PLXNA4: variants seen among roughly 807,000 people sequenced by gnomAD.
PLXNA4 encodes the protein plexin A4, also known as plexin-A4.
A neutral mutation model predicts 191.8 loss-of-function variants in PLXNA4; 44 were observed. The observed-to-expected ratio is 0.23, with a 90% CI of 0.18 to 0.29. PLXNA4 has a LOEUF of 0.29. Among genes scored for constraint, PLXNA4 ranks in the 10% least tolerant of loss-of-function variants. The pLI, the probability that PLXNA4 is intolerant of heterozygous loss-of-function variation, is 1.00. For synonymous variants in PLXNA4, 1,082 were observed against 1,009.5 expected, an observed-to-expected ratio of 1.07 and a Z score of -1.36; for missense variants, 1,800 against 2,488.8, an observed-to-expected ratio of 0.72 and a Z score of 5.89.
At chr7:132,347,334 C>G (rs761544681) in intron 3 of PLXNA4, among the ~76,000 whole-genome samples, 3 of 152,180 alleles carry the variant, frequency 2.0e-5, no homozygotes, top group Non-Finnish European at 4.4e-5. Context: ...GACAACCACC[C>G]AGGCCAAGGC....
chr7:132,620,041 A>G (rs1387066656), intron 2 of PLXNA4, among the ~76,000 whole-genome samples: 1 of 152,190 alleles, frequency 6.6e-6, no homozygotes, highest in African/African-American at 2.4e-5. Context: ...TGACCTCATG[A>G]TCAGGCTGCC....
intron 5 of PLXNA4, among the ~76,000 whole-genome samples, chr7:132,229,106 C>G (rs1026195): frequency 0.67 from 101,180 of 152,048 alleles, 34,812 homozygotes; most frequent in African/African-American, 0.84. Context: ...AGGAGCTTTT[C>G]AAAAAAAGCA....
At chr7:132,386,316 C>G (rs1332029200) in intron 3 of PLXNA4, among the ~76,000 whole-genome samples, 1 of 152,214 alleles carries the variant, frequency 6.6e-6, no homozygotes, top group East Asian at 1.9e-4. Context: ...GTTTGCATCT[C>G]TGACCACTCC....
chr7:132,151,808 C>G (rs983855967), intron 25 of PLXNA4, among the ~76,000 whole-genome samples: 3 of 152,084 alleles, frequency 2.0e-5, no homozygotes, highest in East Asian at 3.9e-4. Context: ...CCCAGCTGAA[C>G]CCAGAATGGA....
chr7:132,359,233 T>TTA (rs1491071107), intron 3 of PLXNA4, among the ~76,000 whole-genome samples: 68 of 131,682 alleles, frequency 5.2e-4, no homozygotes, highest in African/African-American at 2.0e-3. Flanking sequence ...TTTTTTTTTT[T>TTA]ATTCCTGAGA....
intron 2 of PLXNA4, among the ~76,000 whole-genome samples, chr7:132,635,170 TTATATATATA>T (rs3037811): frequency 0.053 from 6,984 of 131,656 alleles, 409 homozygotes; most frequent in East Asian, 0.24. Context: ...AAACTCCCCT[TTATATATATA>T]TATATATATA....
chr7:132,219,774 G>A (rs1267533854), intron 9 of PLXNA4, among the ~76,000 whole-genome samples: 1 of 152,132 alleles, frequency 6.6e-6, no homozygotes, highest in Non-Finnish European at 1.5e-5. Flanking sequence ...AGTCTCATAA[G>A]ATTATAATAT....
chr7:132,350,877 A>C (rs1226370475), intron 3 of PLXNA4, among the ~76,000 whole-genome samples: 1 of 152,262 alleles, frequency 6.6e-6, no homozygotes, highest in Non-Finnish European at 1.5e-5. Context: ...CAAAAAAGGA[A>C]ACAATGCAAA....
intron 3 of PLXNA4, among the ~76,000 whole-genome samples, chr7:132,364,571 C>T (rs1480729872): frequency 1.3e-5 from 2 of 152,218 alleles, no homozygotes; most frequent in Admixed American, 6.5e-5. Flanking sequence ...TGAGAAGTCA[C>T]TGGACTTAAA....
intron 4 of PLXNA4, among the ~76,000 whole-genome samples, chr7:132,288,482 G>A (rs1800764943): frequency 6.6e-6 from 1 of 152,198 alleles, no homozygotes; most frequent in Non-Finnish European, 1.5e-5. Context: ...GAAATTGGGT[G>A]AAACATTGAG....
intron 3 of PLXNA4, among the ~76,000 whole-genome samples, chr7:132,423,828 C>T (rs1024997858): frequency 5.3e-5 from 8 of 152,180 alleles, no homozygotes; most frequent in African/African-American, 1.2e-4. Context: ...TTCGTAATTG[C>T]GTTACTCACA....
At position 132,216,172 on chromosome 7, in the gene PLXNA4, T is replaced by C. The variant is rs563468273; in HGVS notation, c.2098-5029A>G. Among the ~76,000 whole-genome samples, 21 of 152,312 alleles carry C rather than the reference T, an allele frequency of 1.4e-4. No homozygotes were observed. In the South Asian group the frequency reaches 1.7e-3, roughly 12 times the overall value. The stretch of plus-strand genomic sequence containing the variant: ...CTACCCAAGTGGTTTCTGCAGAGGA[T>C]TGGAGAATTGCTTGGTGTAGAAAAA... On this transcript the variant is annotated intron_variant, in intron 9 of 31. Coordinates refer to ENST00000321063, the MANE Select transcript of PLXNA4 (RefSeq NM_020911.2).
chr7:132,619,694 G>C (rs1803223591), intron 2 of PLXNA4, among the ~76,000 whole-genome samples: 1 of 152,250 alleles, frequency 6.6e-6, no homozygotes, highest in African/African-American at 2.4e-5. Context: ...AAAGATGTGT[G>C]ATCAACTACT....
intron 9 of PLXNA4, among the ~76,000 whole-genome samples, chr7:132,213,515 C>T (rs532409520): frequency 1.1e-4 from 17 of 152,202 alleles, no homozygotes; most frequent in Admixed American, 2.0e-4. Flanking sequence ...TCTCTGGAGA[C>T]GCCAGTAGCC....
rs137910901 is a variant in PLXNA4, at chr7:132,628,330, C to T, written c.-87+17598G>A. Among the ~76,000 whole-genome samples, 332 of 152,264 alleles carry T rather than the reference C, an allele frequency of 2.2e-3. 9 individuals are homozygous for T. The highest frequency in any genetic ancestry group is 0.019 in the Admixed American group (289 of 15,286). The stretch of plus-strand genomic sequence containing the variant: ...TTGACTCCTGCTCCTTTGTATTTCT[C>T]TCTTGCTCTGTCTCTCTCTCGCTCT... On this transcript the variant is annotated intron_variant, in intron 2 of 4. Coordinates refer to the PLXNA4 transcript ENST00000378539.
chr7:132,492,810 A>C (rs1797857531), intron 2 of PLXNA4, among the ~76,000 whole-genome samples: 1 of 152,176 alleles, frequency 6.6e-6, no homozygotes, highest in Non-Finnish European at 1.5e-5. Context: ...TATTGGAGCG[A>C]TGGCACCTGG....
intron 1 of PLXNA4, among the ~76,000 whole-genome samples, chr7:132,532,386 T>C (rs1052652337): frequency 2.0e-5 from 3 of 152,210 alleles, no homozygotes; most frequent in Non-Finnish European, 4.4e-5. Flanking sequence ...TTTGCATTTC[T>C]AGAAAGTTTC....
intron 9 of PLXNA4, among the ~76,000 whole-genome samples, chr7:132,213,674 C>T (rs929870777): frequency 6.6e-6 from 1 of 152,154 alleles, no homozygotes; most frequent in Non-Finnish European, 1.5e-5. Flanking sequence ...ATGTTGGCAG[C>T]TCGAGGAGAG....
intron 1 of PLXNA4, among the ~76,000 whole-genome samples, chr7:132,563,290 C>T (rs1344291978): frequency 8.1e-6 from 1 of 124,108 alleles, no homozygotes; most frequent in South Asian, 3.2e-4. Flanking sequence ...CCTTCTCCTC[C>T]TCCTTTCTCT....
Sources: gnomAD v4.1 joint callset for allele counts (sites outside exome capture counted in the v4.1 genomes callset) on GRCh38, gnomAD v4.1.1 for gene constraint, MANE v1.5 for transcripts, NCBI Gene and HGNC (gene_info 2026-07-23, HGNC 2026-07-21) for gene names.